Variants in CNTNAP5 observed in about 807,000 individuals in gnomAD.
The protein encoded by CNTNAP5 is contactin-associated protein-like 5.
A neutral mutation model predicts 150.2 loss-of-function variants in CNTNAP5; 72 were observed. The observed-to-expected ratio is 0.48, with a 90% CI of 0.40 to 0.58. The LOEUF is 0.58. CNTNAP5 is among the 20% of genes least tolerant of loss of function. CNTNAP5 has a pLI of 0.00. For missense variants in CNTNAP5, 1,636 were observed against 1,626.2 expected (o/e 1.01, Z -0.10); for synonymous variants, 672 against 619.8 (o/e 1.08, Z -1.25).
chr2:124,328,716 T>C (rs192486071), intron 3 of CNTNAP5, among the ~76,000 whole-genome samples: 1 of 152,104 alleles, frequency 6.6e-6, no homozygotes, highest in African/African-American at 2.4e-5. Context: ...GTGAGATAAG[T>C]AGTTCTTTAA....
chr2:124,255,591 T>TA (rs1687293464), intron 3 of CNTNAP5, among the ~76,000 whole-genome samples: 1 of 70,398 alleles, frequency 1.4e-5, no homozygotes, highest in Non-Finnish European at 2.7e-5. Context: ...AAATAATAAT[T>TA]TTTTTTTAAA....
chr2:124,280,093 A>T (rs1687976469), intron 3 of CNTNAP5, among the ~76,000 whole-genome samples: 1 of 151,910 alleles, frequency 6.6e-6, no homozygotes, highest in African/African-American at 2.4e-5. Context: ...CCTGATTGTC[A>T]TCCTTAACCT....
intron 1 of CNTNAP5, among the ~76,000 whole-genome samples, chr2:124,126,862 C>T (rs1683717068): frequency 2.0e-5 from 3 of 152,254 alleles, no homozygotes; most frequent in East Asian, 3.9e-4. Context: ...TTCAACAATC[C>T]TTCATGCTAA....
chr2:124,068,052 G>T lies in CNTNAP5; in HGVS notation c.82+42320G>T, dbSNP rs189079046. Among the ~76,000 whole-genome samples, 356 of 152,132 alleles carry T rather than the reference G, an allele frequency of 2.3e-3. 3 individuals are homozygous for T. Among genetic ancestry groups the T allele is most frequent in the Admixed American group, 6.5e-3 (99 of 15,260 alleles). On this transcript the variant is annotated intron_variant, in intron 1 of 23. Coordinates refer to ENST00000682447, the MANE Select transcript of CNTNAP5 (RefSeq NM_001367498.1). ...GGCAGAATAGAAAGCTCTACCAATT[G>T]TCCTCCCACCCTCCCCACCCTCTTC...
intron 3 of CNTNAP5, among the ~76,000 whole-genome samples, chr2:124,394,434 G>A (rs1222802638): frequency 6.6e-6 from 1 of 151,516 alleles, no homozygotes; most frequent in East Asian, 1.9e-4. Context: ...TGAATGCAGA[G>A]CATGAAAAGA....
intron 6 of CNTNAP5, among the ~76,000 whole-genome samples, chr2:124,462,778 A>C (rs1394964280): frequency 3.9e-5 from 6 of 152,228 alleles, no homozygotes; most frequent in African/African-American, 1.4e-4. Context: ...ATTTGTAAAG[A>C]GTTACAAACC....
intron 1 of CNTNAP5, among the ~76,000 whole-genome samples, chr2:124,201,514 T>C (rs1395994084): frequency 6.6e-6 from 1 of 152,208 alleles, no homozygotes; most frequent in East Asian, 1.9e-4. Context: ...TTAGGAAAGG[T>C]AAATAGAGTA....
intron 16 of CNTNAP5, among the ~76,000 whole-genome samples, chr2:124,770,845 C>T (rs1400363048): frequency 6.6e-6 from 1 of 152,200 alleles, no homozygotes. Context: ...GTTCTAATAA[C>T]TTTATCAGGA....
At position 124,835,358 on chromosome 2, in the gene CNTNAP5, A is replaced by G. The variant is rs950941897; in HGVS notation, c.3218-29948A>G. Among the ~76,000 whole-genome samples the G allele has an allele frequency of 3.3e-5, 5 of 152,098 alleles. No homozygotes were observed. In the South Asian group the frequency reaches 8.3e-4, roughly 25 times the overall value. ...ATTATTGCCCTGTGTAAATTCCTGG[A>G]CCTGAACGACTAGATTTAAGTGTAT... On this transcript the variant is annotated intron_variant, in intron 19 of 23. Transcript: ENST00000682447.
chr2:124,370,759 A>T (rs753886663), intron 3 of CNTNAP5, among the ~76,000 whole-genome samples: 3 of 152,072 alleles, frequency 2.0e-5, no homozygotes, highest in Non-Finnish European at 4.4e-5. Context: ...ATAAGGGAGG[A>T]AAATATCTTT....
intron 12 of CNTNAP5, among the ~76,000 whole-genome samples, chr2:124,630,641 G>A (rs1388942898): frequency 7.2e-5 from 11 of 152,124 alleles, no homozygotes. Flanking sequence ...AAAACTGGAA[G>A]CATTCCCCTT....
chr2:124,453,161 G>A lies in CNTNAP5; in HGVS notation c.918+6224G>A, dbSNP rs189426797. 3.8e-3 allele frequency among the ~76,000 whole-genome samples: 580 copies of A among 151,948 alleles called. 5 individuals carry two copies. Among genetic ancestry groups the A allele is most frequent in the African/African-American group, 0.013 (551 of 41,420 alleles). On this transcript the variant is annotated intron_variant, in intron 6 of 23. Transcript: ENST00000682447. ...CAAGAAGTGAAGGGAGAAATATTCA[G>A]TGAAATAAATAGCACAAATAAAAAA...
intron 13 of CNTNAP5, among the ~76,000 whole-genome samples, chr2:124,706,765 AAGAAG>A (rs1679649834): frequency 3.0e-5 from 1 of 33,726 alleles, no homozygotes; most frequent in Non-Finnish European, 5.8e-5. Context: ...GAAGAAGAAG[AAGAAG>A]AAGAAGAAGA....
intron 12 of CNTNAP5, among the ~76,000 whole-genome samples, chr2:124,638,596 T>G (rs954354701): frequency 6.6e-6 from 1 of 152,230 alleles, no homozygotes; most frequent in South Asian, 2.1e-4. Flanking sequence ...ATTTTCATGT[T>G]ACAAAAGTCA....
chr2:124,875,699 T>G (rs1422478988), intron 21 of CNTNAP5, among the ~76,000 whole-genome samples: 11 of 13,042 alleles, frequency 8.4e-4, no homozygotes, highest in African/African-American at 2.5e-3. Flanking sequence ...ACCATGAGGG[T>G]TTTTTTTTTT....
chr2:124,753,907 C>G (rs1431243636), intron 14 of CNTNAP5, among the ~76,000 whole-genome samples: 1 of 152,156 alleles, frequency 6.6e-6, no homozygotes. Flanking sequence ...CAAAAGTTAT[C>G]TTTGTATACA....
chr2:124,256,287 G>A (rs527852580), intron 3 of CNTNAP5, among the ~76,000 whole-genome samples: 9 of 152,248 alleles, frequency 5.9e-5, no homozygotes, highest in African/African-American at 2.2e-4. Context: ...AGCAAACTAA[G>A]GATATGCCGT....
intron 1 of CNTNAP5, among the ~76,000 whole-genome samples, chr2:124,183,772 G>C (rs978662586): frequency 1.3e-5 from 2 of 152,146 alleles, no homozygotes; most frequent in Admixed American, 6.6e-5. Flanking sequence ...TCTCTCAAAG[G>C]CTGGGAGTAG....
At chr2:124,115,113 C>CT in intron 1 of CNTNAP5, among the ~76,000 whole-genome samples, 1 of 151,958 alleles carries the variant, frequency 6.6e-6, no homozygotes, top group East Asian at 1.9e-4. Context: ...TTCTACATAT[C>CT]TTTTTTACAT....
Sources: gnomAD v4.1 joint callset for allele counts (sites outside exome capture counted in the v4.1 genomes callset) on GRCh38, gnomAD v4.1.1 for gene constraint, MANE v1.5 for transcripts, NCBI Gene and HGNC (gene_info 2026-07-23, HGNC 2026-07-21) for gene names.